Variants in SH2B1 observed in about 807,000 individuals in gnomAD.
The protein encoded by SH2B1 is SH2B adapter protein 1.
SH2B1 carries 15 observed loss-of-function variants against 62.6 expected under a neutral mutation model. The observed-to-expected ratio is 0.24, with a 90% CI of 0.16 to 0.37. The LOEUF (loss-of-function observed/expected upper bound fraction) is 0.37. Ranked by LOEUF, SH2B1 falls within the 10% of genes least tolerant of loss-of-function variation. SH2B1 has a pLI of 1.00. For synonymous variants in SH2B1, 443 were observed against 438.0 expected, an observed-to-expected ratio of 1.01 and a Z score of -0.14; for missense variants, 925 against 1,015.6, an observed-to-expected ratio of 0.91 and a Z score of 1.21.
chr16:28,863,874 T>TGGGGGCGCA lies in SH2B1; in HGVS notation c.-2217_-2209dup. ...GGCTGGGCGCTCGTCGCGTAGTGGG[T>TGGGGGCGCA]GGGGGCGCAGGGAGCGGGAGCCGCC... On this transcript the variant is annotated 5_prime_UTR_variant, in exon 1 of 8. Transcript: ENST00000684370. The TGGGGGCGCA allele has an allele frequency of 6.6e-7, 1 of 1,513,232 alleles. No individual in the cohort carries two copies. The highest frequency in any genetic ancestry group is 8.8e-7 in the Non-Finnish European group (1 of 1,136,976). 93.7% of individuals were successfully genotyped at this position (1,513,232 alleles called of 1,614,324 possible).
Position 28,872,782 on chromosome 16 carries a change from C to T in SH2B1, c.1897+77C>T, listed in dbSNP as rs778019708. ...AGGTGTGTGTGCCAGAAAGATGGGG[C>T]GGGGAGGGGGGACTATCACAAGGAG... On this transcript the variant is annotated intron_variant, in intron 7 of 7. Coordinates refer to ENST00000684370, the MANE Select transcript of SH2B1 (RefSeq NM_001387430.1). The surrounding 1 kb of genome is among the most constrained non-coding windows in gnomAD (Gnocchi z 5.3). The T allele has an allele frequency of 1.2e-5, 18 of 1,549,220 alleles. No individual in the cohort carries two copies. Among genetic ancestry groups the T allele is most frequent in the South Asian group, 4.6e-5 (4 of 87,626 alleles).
intron 2 of SH2B1, among the ~76,000 whole-genome samples, chr16:28,868,357 G>C (rs775464286): frequency 1.3e-5 from 2 of 150,992 alleles, no homozygotes; most frequent in African/African-American, 2.4e-5. Flanking sequence ...AGCTAGGATG[G>C]TCTCGATCTC....
At position 28,852,785 on chromosome 16, in the gene SH2B1, C is replaced by CATATATATTT. The variant is rs1555510056; in HGVS notation, c.-301+5960_-301+5969dup. Among the ~76,000 whole-genome samples, 110 of 41,624 alleles carry CATATATATTT rather than the reference C, an allele frequency of 2.6e-3. 16 individuals carry two copies. Among genetic ancestry groups the CATATATATTT allele is most frequent in the African/African-American group, 8.3e-3 (95 of 11,404 alleles). The allele number at this position is 41,624 out of a possible 152,430, so 27.3% of individuals were successfully genotyped here. A position where few individuals can be genotyped will look rare whatever the true frequency, so the allele number is the denominator to read the frequency against. ...ATATATATATTTATATATATATTTA[C>CATATATATTT]ATATATATTTACATATATATTTACA... On this transcript the variant is annotated intron_variant, in intron 1 of 10. Transcript: ENST00000322610.
chr16:28,871,017 G>C (rs1962995282), intron 4 of SH2B1, among the ~76,000 whole-genome samples: 2 of 151,298 alleles, frequency 1.3e-5, no homozygotes, highest in African/African-American at 4.8e-5. Context: ...GTGTGTGTGT[G>C]TGTGTGTGTG....
Position 28,864,379 on chromosome 16 carries a change from G to A in SH2B1, c.-1716G>A, listed in dbSNP as rs1596619780. 3 of 989,312 alleles carry A rather than the reference G, an allele frequency of 3.0e-6. No homozygotes were observed. Among genetic ancestry groups the A allele is most frequent in the Non-Finnish European group, 3.6e-6 (3 of 832,110 alleles). The allele number at this position is 989,312 out of a possible 1,614,324, so 61.3% of individuals were successfully genotyped here. ...GGGGGCTGGGTCTGTCTGCGGTGCGGAGGATTGGGTGGGCCTGTGTGAGCC... is the reference window on the plus strand; with the variant it reads ...GGGGGCTGGGTCTGTCTGCGGTGCGAAGGATTGGGTGGGCCTGTGTGAGCC... On this transcript the variant is annotated 5_prime_UTR_variant, in exon 1 of 8. Coordinates refer to ENST00000684370, the MANE Select transcript of SH2B1 (RefSeq NM_001387430.1).
At position 28,865,718 on chromosome 16, in the gene SH2B1, A is replaced by C. The variant is rs1287754346; in HGVS notation, c.-377A>C. The C allele has an allele frequency of 9.8e-7, 1 of 1,024,296 alleles. No homozygotes were observed. Among genetic ancestry groups the C allele is most frequent in the African/African-American group, 1.7e-5 (1 of 58,532 alleles). 63.5% of individuals were successfully genotyped at this position (1,024,296 alleles called of 1,614,324 possible). Reference sequence around the variant, plus strand: ...ATGTAGAGGGGGGGTGATCTGGAAAAGTTCCCTTTTTTAGGGGGAAGGTGC... The same window carrying C: ...ATGTAGAGGGGGGGTGATCTGGAAACGTTCCCTTTTTTAGGGGGAAGGTGC... On this transcript the variant is annotated 5_prime_UTR_variant, in exon 1 of 8. Coordinates refer to ENST00000684370, the MANE Select transcript of SH2B1 (RefSeq NM_001387430.1).
upstream of SH2B1, chr16:28,862,688 T>C (rs1243580375): frequency 7.1e-6 from 1 of 139,978 alleles, no homozygotes; most frequent in Non-Finnish European, 1.5e-5. Context: ...CCATCTCGGC[T>C]CACCGCAACC....
intron 1 of SH2B1, 22 bp from the exon 2 acceptor site, chr16:28,867,309 C>A: frequency 6.4e-7 from 1 of 1,572,520 alleles, no homozygotes; most frequent in Non-Finnish European, 8.8e-7. Flanking sequence ...ACACCCAGAT[C>A]TGTTTCTTTC....
Position 28,852,541 on chromosome 16 carries a change from TATATATATACAC to T in SH2B1, c.-301+5719_-301+5730del, listed in dbSNP as rs1164131133. Among the ~76,000 whole-genome samples the T allele has an allele frequency of 2.3e-4, 10 of 44,176 alleles. 4 individuals are homozygous for T. The highest frequency in any genetic ancestry group is 1.4e-3 in the South Asian group (1 of 720). The allele number at this position is 44,176 out of a possible 152,430, so 29.0% of individuals were successfully genotyped here. On this transcript the variant is annotated intron_variant, in intron 1 of 10. Transcript: ENST00000322610. ...ATATTTATATATATACACATATATT[TATATATATACAC>T]ATATTTATATATATACACATATATA...
chr16:28,873,071 T>TCC lies in SH2B1; in HGVS notation c.1897+369_1897+370dup, dbSNP rs1472013294. ...CCCTTCCCGGGGACACTCGGTCTGA[T>TCC]CCCCTTCCCTCCTCCCTCAATGTCT... On this transcript the variant is annotated intron_variant, in intron 7 of 7. Coordinates refer to ENST00000684370, the MANE Select transcript of SH2B1 (RefSeq NM_001387430.1). The surrounding 1 kb of genome is among the most constrained non-coding windows in gnomAD (Gnocchi z 4.2). 2.4e-6 allele frequency: 2 copies of TCC among 831,254 alleles called. No individual in the cohort carries two copies. Among genetic ancestry groups the TCC allele is most frequent in the African/African-American group, 3.4e-5 (2 of 58,074 alleles). The allele number at this position is 831,254 out of a possible 1,614,324, so 51.5% of individuals were successfully genotyped here. A position where few individuals can be genotyped will look rare whatever the true frequency, so the allele number is the denominator to read the frequency against.
At position 28,872,660 on chromosome 16, in the gene SH2B1, G is replaced by A. The variant is rs1215051112; in HGVS notation, c.1852G>A (p.Asp618Asn). 1 of 1,614,088 alleles carries A rather than the reference G, an allele frequency of 6.2e-7. No homozygotes were observed. Among genetic ancestry groups the A allele is most frequent in the African/African-American group, 1.3e-5 (1 of 74,944 alleles). ...PIPLESGGSSDVVLVSYVPSS... is the reference protein window; with the variant it reads ...PIPLESGGSSNVVLVSYVPSS... ...CCCTTTGGAGTCGGGAGGCTCCAGTGATGTTGTCCTTGTCAGCTATGTCCC... is the reference window on the plus strand; with the variant it reads ...CCCTTTGGAGTCGGGAGGCTCCAGTAATGTTGTCCTTGTCAGCTATGTCCC... The change falls in exon 7 of 8, where the codon GAT becomes AAT. Residue 618 changes from aspartate to asparagine, a missense_variant. By Grantham distance (23) the Asp-to-Asn change is conservative. Transcript: ENST00000684370. This position sits in a 1 kb window ranked among gnomAD's most constrained non-coding sequence, Gnocchi z 5.3.
intron 4 of SH2B1, among the ~76,000 whole-genome samples, chr16:28,871,577 A>G (rs796447816): frequency 3.3e-5 from 5 of 152,340 alleles, no homozygotes; most frequent in African/African-American, 9.6e-5. Context: ...CCTCCTTGCA[A>G]TAACTCTGCA....
chr16:28,866,879 C>T lies in SH2B1; in HGVS notation c.785C>T (p.Ala262Val). The change falls in exon 1 of 8, where the codon GCC becomes GTC. Residue 262 changes from alanine to valine, a missense_variant. By Grantham distance (64) the Ala-to-Val change is moderately conservative. Around this residue, in one of 3 missense-constraint regions of SH2B1, gnomAD observed 683 missense variants for 704.0 expected, o/e 0.97. Transcript: ENST00000684370. This position sits in a 1 kb window ranked among gnomAD's most constrained non-coding sequence, Gnocchi z 6.3. The part of the protein sequence containing the change: ...LLSFMGAEEA[A>V]PDPAGVGRGG... ...AGTTTCATGGGGGCTGAGGAGGCAGCCCCTGACCCAGCCGGAGTGGGCCGG... is the reference window on the plus strand; with the variant it reads ...AGTTTCATGGGGGCTGAGGAGGCAGTCCCTGACCCAGCCGGAGTGGGCCGG... 1.2e-6 allele frequency: 2 copies of T among 1,611,040 alleles called. No individual in the cohort carries two copies. The highest frequency in any genetic ancestry group is 1.7e-6 in the Non-Finnish European group (2 of 1,178,810).
rs1386316081 is a variant in SH2B1 at position 28,866,637 on chromosome 16, C to T, written c.543C>T (p.Ser181=). The T allele has an allele frequency of 9.3e-6, 15 of 1,613,536 alleles. No individual in the cohort carries two copies. The East Asian group carries it at 1.1e-4, about 12-fold the overall frequency. Residue 181 remains serine (S), a synonymous_variant, in exon 1 of 8, where the codon TCC becomes TCT. Coordinates refer to ENST00000684370, the MANE Select transcript of SH2B1 (RefSeq NM_001387430.1). The surrounding 1 kb of genome is among the most constrained non-coding windows in gnomAD (Gnocchi z 6.3). The part of the protein sequence containing the change: ...QWRGTVDPPS[S]AGPLETSSGP... ...GGGGGACCGTTGACCCTCCCTCCTC[C>T]GCTGGGCCCCTGGAGACCTCGTCAG...
chr16:28,863,921 G>C lies in SH2B1; in HGVS notation c.-2174G>C, dbSNP rs2152170212. The C allele has an allele frequency of 6.7e-7, 1 of 1,489,846 alleles. No individual in the cohort carries two copies. The highest frequency in any genetic ancestry group is 1.4e-5 in the African/African-American group (1 of 71,240). 92.3% of individuals were successfully genotyped at this position (1,489,846 alleles called of 1,614,324 possible). ...CGCCGCCGCCGCCGCCGCCGCCGGA[G>C]CTAACCTCGGGGACCGAGATGCAGG... On this transcript the variant is annotated 5_prime_UTR_variant, in exon 1 of 8. Transcript: ENST00000684370.
intron 1 of SH2B1, among the ~76,000 whole-genome samples, chr16:28,853,032 A>G (rs1418400981): frequency 1.0e-5 from 1 of 98,372 alleles, no homozygotes; most frequent in Non-Finnish European, 1.7e-5. Context: ...GTACATATAT[A>G]TGTACATATA....
At position 28,864,733 on chromosome 16, in the gene SH2B1, A is replaced by G. The variant is rs975593249; in HGVS notation, c.-1362A>G. The G allele has an allele frequency of 2.3e-5, 20 of 876,588 alleles. No individual in the cohort carries two copies. The East Asian group carries it at 7.2e-4, about 32-fold the overall frequency. The allele number at this position is 876,588 out of a possible 1,614,324, so 54.3% of individuals were successfully genotyped here. On this transcript the variant is annotated 5_prime_UTR_variant, in exon 1 of 8. Coordinates refer to ENST00000684370, the MANE Select transcript of SH2B1 (RefSeq NM_001387430.1). ...GCCAAGGGTTGTAAATTCCACACCCAGCTCTGCCACTTTCTAGTTGTAAGA... is the reference window on the plus strand; with the variant it reads ...GCCAAGGGTTGTAAATTCCACACCCGGCTCTGCCACTTTCTAGTTGTAAGA...
intron 1 of SH2B1, 73 bp from the exon 2 acceptor site, chr16:28,867,245 TAGAAGGAAAGATG>T: frequency 7.8e-7 from 1 of 1,277,674 alleles, no homozygotes; most frequent in Non-Finnish European, 1.1e-6. Flanking sequence ...CCCGAGGATG[TAGAAGGAAAGATG>T]AATGTCTGGA....
At position 28,852,527 on chromosome 16, in the gene SH2B1, T is replaced by TAC. The variant is rs1190995444; in HGVS notation, c.-301+5701_-301+5702insCA. 9.7e-5 allele frequency among the ~76,000 whole-genome samples: 5 copies of TAC among 51,330 alleles called. 1 individual carries two copies. The highest frequency in any genetic ancestry group is 6.4e-4 in the African/African-American group (5 of 7,794). The allele number at this position is 51,330 out of a possible 152,430, so 33.7% of individuals were successfully genotyped here. ...ATATATATACACATATATTTATATA[T>TAC]ATACACATATATTTATATATATACA... is the stretch of plus-strand genomic sequence containing the variant. On this transcript the variant is annotated intron_variant, in intron 1 of 10. Coordinates refer to the SH2B1 transcript ENST00000322610.
Sources: allele counts gnomAD v4.1 joint callset (sites outside exome capture counted in the v4.1 genomes callset), GRCh38; gene constraint gnomAD v4.1.1; regional missense constraint gnomAD v4.1.1; non-coding constraint Gnocchi (gnomAD v3.1); transcripts MANE v1.5; gene names NCBI Gene and HGNC (gene_info 2026-07-23, HGNC 2026-07-21).